Variants in SVIL observed in about 807,000 individuals in gnomAD.
SVIL encodes the protein archvillin.
Under a neutral mutation model 240.4 loss-of-function variants are expected in SVIL, and 101 were observed. That is an observed-to-expected ratio of 0.42 (90% CI 0.36 to 0.50). SVIL has a LOEUF of 0.50. Among genes scored for constraint, SVIL ranks in the 20% least tolerant of loss-of-function variants. The pLI is 0.01. For synonymous variants in SVIL, 999 were observed against 1,100.0 expected, an observed-to-expected ratio of 0.91 and a Z score of 1.82; for missense variants, 2,512 against 2,818.7, an observed-to-expected ratio of 0.89 and a Z score of 2.46.
chr10:29,670,850 C>T (rs757510352), intron 2 of SVIL: 1 of 152,208 alleles, frequency 6.6e-6, no homozygotes, highest in Non-Finnish European at 1.5e-5. Context: ...AGACAGGAAT[C>T]GTGCCCAGGA....
At chr10:29,625,071 GA>G (rs990720760) in intron 1 of SVIL, among the ~76,000 whole-genome samples, 40 of 143,998 alleles carry the variant, frequency 2.8e-4, no homozygotes, top group African/African-American at 7.6e-4. Flanking sequence ...GTCTTAAAAA[GA>G]AAAAAAAAAC....
intron 1 of SVIL, among the ~76,000 whole-genome samples, chr10:29,577,100 C>T (rs767475203): frequency 5.3e-5 from 8 of 152,054 alleles, no homozygotes; most frequent in Non-Finnish European, 1.2e-4. Flanking sequence ...AGGAGGGTCT[C>T]GATCTCCTGA....
At chr10:29,687,840 T>A (rs926361823) in intron 1 of SVIL, among the ~76,000 whole-genome samples, 2 of 152,262 alleles carry the variant, frequency 1.3e-5, no homozygotes, top group Non-Finnish European at 2.9e-5. Context: ...TCCCCTGGAT[T>A]ATGCCCTTAA....
At chr10:29,734,960 G>A (rs979258406) in intron 1 of SVIL, among the ~76,000 whole-genome samples, 2 of 152,140 alleles carry the variant, frequency 1.3e-5, no homozygotes, top group Non-Finnish European at 2.9e-5. Context: ...GCAATAAACT[G>A]TCAGACTTCA....
rs79952929 is a variant in SVIL at position 29,528,230 on chromosome 10, T to C, written c.2247-1174A>G. On this transcript the variant is annotated intron_variant, in intron 12 of 37. Coordinates refer to ENST00000355867, the MANE Select transcript of SVIL (RefSeq NM_021738.3). Reference sequence around the variant, plus strand: ...TGATTTGCAAAGAGTTCCTAATGAGTGCAAGGATATACTTAGCTACAAATG... The same window carrying C: ...TGATTTGCAAAGAGTTCCTAATGAGCGCAAGGATATACTTAGCTACAAATG... Among the ~76,000 whole-genome samples, 446 of 152,114 alleles carry C rather than the reference T, an allele frequency of 2.9e-3. 5 individuals carry two copies. The highest frequency in any genetic ancestry group is 0.01 in the African/African-American group (430 of 41,478).
At chr10:29,686,686 G>A (rs554111141) in intron 1 of SVIL, 3 of 152,292 alleles carry the variant, frequency 2.0e-5, no homozygotes, top group South Asian at 4.1e-4. Context: ...ATCATAGGAT[G>A]TAATTTCCAA....
intron 6 of SVIL, among the ~76,000 whole-genome samples, chr10:29,537,311 A>G (rs2132585038): frequency 6.6e-6 from 1 of 152,346 alleles, no homozygotes; most frequent in South Asian, 2.1e-4. Flanking sequence ...AATGAATCAT[A>G]AATCAACATA....
At chr10:29,684,969 C>T (rs150946456) in intron 2 of SVIL, among the ~76,000 whole-genome samples, 9 of 151,944 alleles carry the variant, frequency 5.9e-5, no homozygotes, top group African/African-American at 1.4e-4. Context: ...AGGTTTATTA[C>T]GTAGGTAAAA....
intron 1 of SVIL, among the ~76,000 whole-genome samples, chr10:29,574,786 T>C (rs1272302168): frequency 6.6e-6 from 1 of 152,136 alleles, no homozygotes; most frequent in Non-Finnish European, 1.5e-5. Flanking sequence ...TGGATGTCGC[T>C]GGTAAAGGGG....
intron 3 of SVIL, among the ~76,000 whole-genome samples, chr10:29,559,894 T>TTA (rs750155503): frequency 6.6e-6 from 1 of 152,252 alleles, no homozygotes; most frequent in Non-Finnish European, 1.5e-5. Context: ...TAAGACTATA[T>TTA]AACACCAATA....
intron 1 of SVIL, among the ~76,000 whole-genome samples, chr10:29,615,968 G>A (rs1197664237): frequency 6.6e-6 from 1 of 152,154 alleles, no homozygotes; most frequent in Non-Finnish European, 1.5e-5. Context: ...AATTTGCAAT[G>A]ACATGGCATG....
chr10:29,622,246 T>G, intron 1 of SVIL, among the ~76,000 whole-genome samples: 1 of 47,108 alleles, frequency 2.1e-5, no homozygotes, highest in Non-Finnish European at 4.0e-5. Flanking sequence ...TGAGACTCCG[T>G]CTCAAAAAAA....
chr10:29,543,650 C>T (rs1181444421), intron 6 of SVIL, among the ~76,000 whole-genome samples: 2 of 152,130 alleles, frequency 1.3e-5, no homozygotes, highest in Non-Finnish European at 2.9e-5. Flanking sequence ...CTCTCGCACT[C>T]TCTCCCCCTC....
intron 17 of SVIL, among the ~76,000 whole-genome samples, chr10:29,507,092 G>T (rs1296872564): frequency 1.3e-5 from 2 of 152,116 alleles, no homozygotes; most frequent in Non-Finnish European, 2.9e-5. Context: ...GAGGATGGAG[G>T]GAAGAGGCAG....
intron 29 of SVIL, among the ~76,000 whole-genome samples, chr10:29,478,781 TG>T (rs982459991): frequency 1.4e-4 from 21 of 150,048 alleles, no homozygotes; most frequent in African/African-American, 5.1e-4. Context: ...AAAATTAGCT[TG>T]ATAATGGTGG....
At chr10:29,525,300 C>G (rs1950823461) in intron 13 of SVIL, among the ~76,000 whole-genome samples, 3 of 152,072 alleles carry the variant, frequency 2.0e-5, no homozygotes, top group Admixed American at 2.0e-4. Context: ...TTTCCAGTAA[C>G]CAGAGGAGTA....
At chr10:29,500,983 C>G (rs1948845936) in intron 17 of SVIL, among the ~76,000 whole-genome samples, 1 of 152,162 alleles carries the variant, frequency 6.6e-6, no homozygotes, top group Admixed American at 6.5e-5. Flanking sequence ...TCCAGCAGCA[C>G]AAAACCAGGT....
At position 29,722,065 on chromosome 10, in the gene SVIL, C is replaced by T. The variant is rs140620314; in HGVS notation, c.-400+13686G>A. 6.5e-3 allele frequency among the ~76,000 whole-genome samples: 991 copies of T among 152,130 alleles called. 6 individuals carry two copies. The highest frequency in any genetic ancestry group is 0.012 in the Non-Finnish European group (807 of 67,994). On this transcript the variant is annotated intron_variant, in intron 1 of 35. Transcript: ENST00000375400. ...CCAGCTTGGCCAACATAGCAGAACC[C>T]TGTCTCTGCTAAAAATACAAAAATT...
intron 1 of SVIL, among the ~76,000 whole-genome samples, chr10:29,729,787 T>C (rs1279555768): frequency 7.5e-6 from 1 of 134,022 alleles, no homozygotes; most frequent in Non-Finnish European, 1.5e-5. Context: ...TGAGCCGAGA[T>C]TGCACCGTTG....
Sources: gnomAD v4.1 joint callset for allele counts (sites outside exome capture counted in the v4.1 genomes callset) on GRCh38, gnomAD v4.1.1 for gene constraint, MANE v1.5 for transcripts, NCBI Gene and HGNC (gene_info 2026-07-23, HGNC 2026-07-21) for gene names.